The following CDK15 variants were observed in gnomAD, a reference collection of about 807,000 sequenced individuals.
The protein encoded by CDK15 is cyclin-dependent kinase 15.
A neutral mutation model predicts 60.3 loss-of-function variants in CDK15; 62 were observed. That is an observed-to-expected ratio of 1.03 (90% CI 0.84 to 1.27). CDK15 has a LOEUF of 1.27. Among genes scored for constraint, CDK15 ranks in the 50% most tolerant of loss-of-function variants. CDK15 has a pLI of 0.00. For synonymous variants in CDK15, 194 were observed against 195.7 expected, an observed-to-expected ratio of 0.99 and a Z score of 0.07; for missense variants, 541 against 527.8, an observed-to-expected ratio of 1.03 and a Z score of -0.25.
chr2:201,843,026 A>T (rs773398951), intron 8 of CDK15, among the ~76,000 whole-genome samples: 1 of 152,208 alleles, frequency 6.6e-6, no homozygotes, highest in Non-Finnish European at 1.5e-5. Context: ...CTGGTTCCCT[A>T]TCTGGACTTG....
chr2:201,867,767 A>C (rs936556976), intron 10 of CDK15, among the ~76,000 whole-genome samples: 4 of 152,246 alleles, frequency 2.6e-5, no homozygotes, highest in Admixed American at 2.0e-4. Flanking sequence ...GCTCCCTTTG[A>C]GAACCTACCT....
At chr2:201,859,024 G>A (rs1698266848) in intron 10 of CDK15, among the ~76,000 whole-genome samples, 1 of 152,146 alleles carries the variant, frequency 6.6e-6, no homozygotes, top group Non-Finnish European at 1.5e-5. Flanking sequence ...TTGCTAAAGG[G>A]CTGCCGTCTT....
intron 9 of CDK15, among the ~76,000 whole-genome samples, chr2:201,853,662 G>A (rs1193504721): frequency 6.6e-6 from 1 of 151,730 alleles, no homozygotes; most frequent in East Asian, 1.9e-4. Flanking sequence ...TGTTTTATTA[G>A]TATTTCACAA....
At chr2:201,876,692 T>A in intron 11 of CDK15, 1 of 579,158 alleles carries the variant, frequency 1.7e-6, no homozygotes, top group South Asian at 1.8e-5. Flanking sequence ...GGGTAGGTTC[T>A]GTTGGTTGAA....
intron 4 of CDK15, among the ~76,000 whole-genome samples, chr2:201,819,776 A>G (rs768886840): frequency 5.3e-5 from 8 of 152,228 alleles, no homozygotes; most frequent in Non-Finnish European, 1.2e-4. Flanking sequence ...TCTTCATAAA[A>G]TGGATGAATG....
intron 8 of CDK15, among the ~76,000 whole-genome samples, chr2:201,837,317 G>GAGAT: frequency 7.1e-6 from 1 of 141,420 alleles, no homozygotes; most frequent in East Asian, 2.2e-4. Context: ...GAGAGAGAGA[G>GAGAT]AGAGAGAAAG....
intron 10 of CDK15, among the ~76,000 whole-genome samples, chr2:201,870,521 CAAA>C (rs57674133): frequency 1.5e-5 from 2 of 134,306 alleles, no homozygotes; most frequent in African/African-American, 2.8e-5. Flanking sequence ...CCAGCCTGGA[CAAA>C]AAAAAAAAAG....
chr2:201,822,759 A>T, intron 4 of CDK15, 50 bp from the exon 5 acceptor site: 1 of 1,040,194 alleles, frequency 9.6e-7, no homozygotes, highest in Non-Finnish European at 1.5e-6. Context: ...TCTTTAGAGC[A>T]GCACTTTCAT....
intron 11 of CDK15, among the ~76,000 whole-genome samples, chr2:201,875,844 T>G (rs1367659372): frequency 1.3e-5 from 2 of 152,344 alleles, no homozygotes; most frequent in Non-Finnish European, 2.9e-5. Flanking sequence ...GATGGGCTAG[T>G]CATAATTTTC....
At chr2:201,880,591 G>A (rs999267616) in intron 12 of CDK15, among the ~76,000 whole-genome samples, 1 of 152,194 alleles carries the variant, frequency 6.6e-6, no homozygotes, top group African/African-American at 2.4e-5. Context: ...TCCTGAGAGG[G>A]AGCTGGGCCT....
intron 5 of CDK15, among the ~76,000 whole-genome samples, 193 bp from the exon 6 acceptor site, chr2:201,823,472 C>A (rs1696322263): frequency 6.6e-6 from 1 of 152,120 alleles, no homozygotes; most frequent in Non-Finnish European, 1.5e-5. Flanking sequence ...TAAGAACAGC[C>A]AGTTAGAAAG....
At chr2:201,840,398 T>A (rs1697326090) in intron 8 of CDK15, among the ~76,000 whole-genome samples, 1 of 152,358 alleles carries the variant, frequency 6.6e-6, no homozygotes, top group East Asian at 1.9e-4. Flanking sequence ...ATTCACTATA[T>A]TGTTGATTTG....
At chr2:201,873,834 C>T (rs1192969691) in intron 11 of CDK15, among the ~76,000 whole-genome samples, 4 of 152,210 alleles carry the variant, frequency 2.6e-5, no homozygotes, top group Non-Finnish European at 1.5e-5. Flanking sequence ...GGGCAGATCA[C>T]CTGAGGTCAG....
intron 10 of CDK15, among the ~76,000 whole-genome samples, chr2:201,858,085 G>A (rs1178865605): frequency 6.6e-6 from 1 of 151,760 alleles, no homozygotes; most frequent in East Asian, 1.9e-4. Context: ...ACCATCCAGT[G>A]TCCATCTACA....
chr2:201,813,996 T>C (rs1695885193), intron 4 of CDK15, among the ~76,000 whole-genome samples: 1 of 152,204 alleles, frequency 6.6e-6, no homozygotes, highest in African/African-American at 2.4e-5. Context: ...TGGAAAGAGA[T>C]GTATGGATAG....
In CDK15 at chr2:201,893,974, A is replaced by T. The variant is rs1356398582; in HGVS notation, c.*707A>T. On this transcript the variant is annotated 3_prime_UTR_variant, in exon 14 of 14. Coordinates refer to ENST00000652192, the MANE Select transcript of CDK15 (RefSeq NM_001366386.2). ...ATCTTAATTGTCTGTGATGATGGCA[A>T]CAGTGATGGGGAATCTAAGCGCTGG... 6.6e-6 allele frequency: 1 copy of T among 152,122 alleles called. No individual in the cohort carries two copies. The highest frequency in any genetic ancestry group is 1.9e-4 in the East Asian group (1 of 5,190). 9.4% of individuals were successfully genotyped at this position (152,122 alleles called of 1,614,324 possible).
intron 10 of CDK15, among the ~76,000 whole-genome samples, chr2:201,863,617 C>T (rs1356576210): frequency 2.0e-5 from 3 of 151,872 alleles, no homozygotes; most frequent in East Asian, 1.9e-4. Context: ...TTTGGGAGGC[C>T]GAGGCGGGCG....
intron 9 of CDK15, 86 bp downstream of exon 9, chr2:201,847,560 C>T: frequency 1.8e-6 from 2 of 1,095,694 alleles, no homozygotes; most frequent in African/African-American, 1.5e-5. Flanking sequence ...ATGAAGCAGT[C>T]CATCTGCTCT....
intron 6 of CDK15, among the ~76,000 whole-genome samples, chr2:201,826,659 A>G (rs714670): frequency 0.061 from 9,339 of 152,240 alleles, 398 homozygotes; most frequent in Non-Finnish European, 0.095. Flanking sequence ...TGCAATCTCC[A>G]GGTTCCATTA....
Sources: gnomAD v4.1 joint callset for allele counts (sites outside exome capture counted in the v4.1 genomes callset) on GRCh38, gnomAD v4.1.1 for gene constraint, MANE v1.5 for transcripts, NCBI Gene and HGNC (gene_info 2026-07-23, HGNC 2026-07-21) for gene names.